The following DLG2 variants were observed in gnomAD, a reference collection of about 807,000 sequenced individuals.
The protein encoded by DLG2 is disks large homolog 2.
A neutral mutation model predicts 132.5 loss-of-function variants in DLG2; 45 were observed. That is an observed-to-expected ratio of 0.34 (90% CI 0.27 to 0.44). The LOEUF is 0.44. Ranked by LOEUF, DLG2 falls within the 20% of genes least tolerant of loss-of-function variation. The pLI is 1.00. For missense variants in DLG2, 1,045 were observed against 1,196.9 expected, an observed-to-expected ratio of 0.87 and a Z score of 1.87; for synonymous variants, 424 against 419.6, an observed-to-expected ratio of 1.01 and a Z score of -0.13.
At chr11:83,843,089 A>T (rs1451582955) in intron 16 of DLG2, among the ~76,000 whole-genome samples, 2 of 152,138 alleles carry the variant, frequency 1.3e-5, no homozygotes, top group Non-Finnish European at 2.9e-5. Context: ...ATAAGGTCTA[A>T]ACTTCTACAT....
intron 19 of DLG2, among the ~76,000 whole-genome samples, chr11:83,591,063 C>T (rs1283951590): frequency 6.6e-6 from 1 of 152,158 alleles, no homozygotes; most frequent in Non-Finnish European, 1.5e-5. Context: ...ATCAGAGGTA[C>T]AAGGAGGAGC....
intron 18 of DLG2, among the ~76,000 whole-genome samples, chr11:83,780,945 C>T (rs542012451): frequency 1.4e-4 from 22 of 152,046 alleles, no homozygotes; most frequent in Admixed American, 9.2e-4. Flanking sequence ...GTTAGGGCAA[C>T]GCCTCACAAA....
At chr11:85,625,784 T>C (rs931102215) in intron 2 of DLG2, among the ~76,000 whole-genome samples, 4 of 152,238 alleles carry the variant, frequency 2.6e-5, no homozygotes, top group Non-Finnish European at 5.9e-5. Context: ...CTCTTTACAG[T>C]TGATCTCACC....
chr11:84,230,416 G>A (rs573435763), intron 8 of DLG2, among the ~76,000 whole-genome samples: 7 of 152,160 alleles, frequency 4.6e-5, no homozygotes, highest in South Asian at 4.2e-4. Context: ...CTAGCTTGCC[G>A]CATGATATTT....
At chr11:84,613,346 T>C (rs1203439107) in intron 6 of DLG2, among the ~76,000 whole-genome samples, 1 of 152,144 alleles carries the variant, frequency 6.6e-6, no homozygotes, top group Non-Finnish European at 1.5e-5. Context: ...ACTCCATTAA[T>C]GGCAAGTTCC....
intron 4 of DLG2, among the ~76,000 whole-genome samples, chr11:85,156,330 T>C (rs1004010959): frequency 3.9e-5 from 6 of 152,232 alleles, no homozygotes; most frequent in East Asian, 1.9e-4. Context: ...ACAAGCAGGA[T>C]ATCTTACTGT....
intron 6 of DLG2, among the ~76,000 whole-genome samples, chr11:84,572,637 G>T (rs900828761): frequency 1.3e-5 from 2 of 152,060 alleles, no homozygotes; most frequent in Non-Finnish European, 2.9e-5. Context: ...AAAAGATTCT[G>T]CATGTTCTTC....
rs140268470 is a variant in DLG2 at position 84,705,329 on chromosome 11, T to C, written c.358-170598A>G. Among the ~76,000 whole-genome samples the C allele has an allele frequency of 1.9e-3, 293 of 151,774 alleles. 2 individuals carry two copies. Among genetic ancestry groups the C allele is most frequent in the African/African-American group, 6.7e-3 (278 of 41,480 alleles). ...ACAAAGCCAGAAGACCAGAGCAACA[T>C]GGCTGACAGGTTCCTGTGGCAGCAC... On this transcript the variant is annotated intron_variant, in intron 6 of 27. Transcript: ENST00000376104.
intron 6 of DLG2, among the ~76,000 whole-genome samples, chr11:84,728,113 C>A (rs566692611): frequency 2.0e-4 from 30 of 152,278 alleles, no homozygotes; most frequent in Admixed American, 1.6e-3. Context: ...CTGGCCAGAA[C>A]TTCCAACACT....
chr11:84,806,048 T>A (rs192888969), intron 6 of DLG2, among the ~76,000 whole-genome samples: 4 of 152,266 alleles, frequency 2.6e-5, no homozygotes, highest in East Asian at 3.9e-4. Context: ...TGAAATACCA[T>A]ACAAAACTCC....
At chr11:85,033,785 G>A (rs11821456) in intron 6 of DLG2, among the ~76,000 whole-genome samples, 2,280 of 152,242 alleles carry the variant, frequency 0.015, 64 homozygotes, top group African/African-American at 0.051. Flanking sequence ...AAATAAGAAT[G>A]TAAGTTTAAA....
intron 3 of DLG2, among the ~76,000 whole-genome samples, chr11:85,386,090 G>A (rs544955657): frequency 6.6e-6 from 1 of 152,240 alleles, no homozygotes; most frequent in East Asian, 1.9e-4. Context: ...TTAAAATTCT[G>A]TGATCCACAA....
intron 15 of DLG2, among the ~76,000 whole-genome samples, chr11:83,926,526 C>T (rs956069031): frequency 4.6e-5 from 7 of 152,034 alleles, no homozygotes; most frequent in African/African-American, 1.7e-4. Context: ...AAAGTTGTCC[C>T]ATTATAGTAG....
At chr11:85,298,042 C>G (rs1279633179) in intron 3 of DLG2, among the ~76,000 whole-genome samples, 1 of 152,044 alleles carries the variant, frequency 6.6e-6, no homozygotes, top group East Asian at 1.9e-4. Context: ...CCATGCAGAG[C>G]AGTGACCTAG....
At chr11:84,860,435 T>A (rs2083452230) in intron 6 of DLG2, among the ~76,000 whole-genome samples, 1 of 152,138 alleles carries the variant, frequency 6.6e-6, no homozygotes, top group Non-Finnish European at 1.5e-5. Context: ...GCTTCATTTG[T>A]AGGTAGAATG....
chr11:83,735,991 A>C (rs2091844260), intron 18 of DLG2, among the ~76,000 whole-genome samples: 1 of 152,170 alleles, frequency 6.6e-6, no homozygotes. Flanking sequence ...AGGCCTCATA[A>C]ATGTGTGCTT....
At chr11:84,532,984 T>C (rs2099346475) in intron 7 of DLG2, among the ~76,000 whole-genome samples, 1 of 152,182 alleles carries the variant, frequency 6.6e-6, no homozygotes, top group African/African-American at 2.4e-5. Flanking sequence ...ATCAGCAAGA[T>C]TCTATACTGA....
intron 6 of DLG2, among the ~76,000 whole-genome samples, chr11:85,081,072 CA>C (rs2067171342): frequency 6.6e-6 from 1 of 151,970 alleles, no homozygotes; most frequent in Non-Finnish European, 1.5e-5. Flanking sequence ...CTAATAAAAA[CA>C]AACAGGAATT....
intron 6 of DLG2, among the ~76,000 whole-genome samples, chr11:84,709,681 C>T (rs1402121785): frequency 6.6e-6 from 1 of 151,818 alleles, no homozygotes; most frequent in East Asian, 1.9e-4. Flanking sequence ...TTGCTTGGTA[C>T]AGAGGGTAGA....
Sources: allele counts gnomAD v4.1 joint callset (sites outside exome capture counted in the v4.1 genomes callset), GRCh38; gene constraint gnomAD v4.1.1; transcripts MANE v1.5; gene names NCBI Gene and HGNC (gene_info 2026-07-23, HGNC 2026-07-21).